Variants in SLC39A10 observed in about 807,000 individuals in gnomAD.
SLC39A10 encodes solute carrier family 39 member 10, also known as zinc transporter ZIP10.
Under a neutral mutation model 65.1 loss-of-function variants are expected in SLC39A10, and 13 were observed. That is an observed-to-expected ratio of 0.20 (90% CI 0.13 to 0.32). The LOEUF is 0.32. Ranked by LOEUF, SLC39A10 falls within the 10% of genes least tolerant of loss-of-function variation. The pLI is 1.00. For missense variants in SLC39A10, 831 were observed against 1,018.4 expected, an observed-to-expected ratio of 0.82 and a Z score of 2.50; for synonymous variants, 321 against 342.2, an observed-to-expected ratio of 0.94 and a Z score of 0.68.
intron 1 of SLC39A10, among the ~76,000 whole-genome samples, chr2:195,677,607 T>G (rs1218286367): frequency 3.3e-5 from 5 of 152,216 alleles, no homozygotes; most frequent in Non-Finnish European, 7.3e-5. Flanking sequence ...TATACTGCTT[T>G]CTTTGGTGTT....
At chr2:195,644,319 A>C (rs1688866404) in intron 2 of SLC39A10, among the ~76,000 whole-genome samples, 1 of 150,514 alleles carries the variant, frequency 6.6e-6, no homozygotes, top group African/African-American at 2.4e-5. Context: ...CAACATAGCA[A>C]GACCCTGTCT....
intron 8 of SLC39A10, among the ~76,000 whole-genome samples, chr2:195,723,085 G>A (rs1013718155): frequency 2.6e-5 from 4 of 152,170 alleles, no homozygotes; most frequent in South Asian, 2.1e-4. Flanking sequence ...AATGTGATAC[G>A]TAAAGACATA....
At chr2:195,616,666 C>G (rs1574473824) in intron 2 of SLC39A10, among the ~76,000 whole-genome samples, 1 of 151,374 alleles carries the variant, frequency 6.6e-6, no homozygotes, top group East Asian at 1.9e-4. Flanking sequence ...TGCAGTGGTG[C>G]CATCTCGGCT....
rs530718405 is a variant in SLC39A10 at position 195,683,100 on chromosome 2, TTG to T, written c.1009-597_1009-596del. ...ACTTGTTTGCTATTTGTTTTCTGCG[TTG>T]TTTTGTTTTTTATTATTTTTTTCTT... On this transcript the variant is annotated intron_variant, in intron 2 of 9. Transcript: ENST00000359634. Among the ~76,000 whole-genome samples the T allele has an allele frequency of 4.1e-3, 625 of 152,084 alleles. 6 individuals carry two copies. Among genetic ancestry groups the T allele is most frequent in the Non-Finnish European group, 6.6e-3 (448 of 67,898 alleles).
rs190019136 is a variant in SLC39A10, at chr2:195,735,214, C to T, written c.*173C>T. On this transcript the variant is annotated 3_prime_UTR_variant, in exon 10 of 10. Transcript: ENST00000359634. ...GGTGCTTAGTACTGTTTTCCCTGCA[C>T]GTAGGGGTCTTTTAAAAATATAAAG... 1.2e-3 allele frequency: 596 copies of T among 491,320 alleles called. 1 individual carries two copies. The highest frequency in any genetic ancestry group is 9.1e-4 in the Non-Finnish European group (268 of 293,598). The allele number at this position is 491,320 out of a possible 1,614,324, so 30.4% of individuals were successfully genotyped here.
intron 1 of SLC39A10, among the ~76,000 whole-genome samples, chr2:195,666,730 G>A (rs574587385): frequency 6.8e-4 from 104 of 152,202 alleles, no homozygotes; most frequent in Non-Finnish European, 5.3e-4. Context: ...CCAAAGTGCT[G>A]GGATTACAGG....
At chr2:195,654,466 A>G (rs1164404589), upstream of SLC39A10, among the ~76,000 whole-genome samples, 1 of 152,190 alleles carries the variant, frequency 6.6e-6, no homozygotes, top group African/African-American at 2.4e-5. Flanking sequence ...TTACTATATC[A>G]TGTCTCACAA....
At position 195,680,459 on chromosome 2, in the gene SLC39A10, T is replaced by A; in HGVS notation, c.417T>A (p.Asn139Lys). The A allele has an allele frequency of 6.2e-7, 1 of 1,614,140 alleles. No individual in the cohort carries two copies. ...QHSHNHLNSE[N>K]QTVTSVSTKR... is the part of the protein sequence containing the mutation. Reference sequence around the variant, plus strand: ...CCCATAATCATTTAAATTCAGAAAATCAAACTGTGACCAGTGTATCCACAA... The same window carrying A: ...CCCATAATCATTTAAATTCAGAAAAACAAACTGTGACCAGTGTATCCACAA... Residue 139 changes from asparagine (N) to lysine (K), a missense_variant, in exon 2 of 10, where the codon AAT (asparagine) becomes AAA (lysine). Transcript: ENST00000359634.
chr2:195,620,513 A>G (rs139703682), intron 2 of SLC39A10, among the ~76,000 whole-genome samples: 3 of 151,686 alleles, frequency 2.0e-5, no homozygotes, highest in African/African-American at 7.2e-5. Flanking sequence ...TGGGTAGTTC[A>G]TGTTGTCTAG....
At chr2:195,627,807 G>C (rs1238666866) in intron 2 of SLC39A10, among the ~76,000 whole-genome samples, 7 of 152,120 alleles carry the variant, frequency 4.6e-5, no homozygotes, top group Non-Finnish European at 1.0e-4. Context: ...CAGCAAAAAA[G>C]CACTGAAGAG....
chr2:195,652,404 C>T (rs1044656142), upstream of SLC39A10, among the ~76,000 whole-genome samples: 12 of 151,948 alleles, frequency 7.9e-5, no homozygotes, highest in Non-Finnish European at 7.4e-5. Context: ...CAAAAACTAG[C>T]TGGGCGTGGT....
At chr2:195,670,571 A>AT (rs958203935) in intron 1 of SLC39A10, 18 of 152,014 alleles carry the variant, frequency 1.2e-4, no homozygotes, top group African/African-American at 4.3e-4. Context: ...CAAAAATGCC[A>AT]TTTTTTTCTG....
chr2:195,638,952 G>GT (rs35269104), intron 2 of SLC39A10, among the ~76,000 whole-genome samples: 65,913 of 146,586 alleles, frequency 0.45, 15,363 homozygotes, highest in Non-Finnish European at 0.54. Context: ...GACCTTGGCA[G>GT]TTTTTTTTTT....
At chr2:195,722,520 A>T (rs758844673) in intron 8 of SLC39A10, among the ~76,000 whole-genome samples, 1 of 152,246 alleles carries the variant, frequency 6.6e-6, no homozygotes, top group African/African-American at 2.4e-5. Flanking sequence ...CAATAGGACC[A>T]GGTCAGTGTC....
intron 2 of SLC39A10, among the ~76,000 whole-genome samples, chr2:195,616,459 A>C (rs889767488): frequency 6.6e-6 from 1 of 151,578 alleles, no homozygotes; most frequent in African/African-American, 2.4e-5. Context: ...GGTGTGTGCC[A>C]CCACGCCTGG....
intron 3 of SLC39A10, among the ~76,000 whole-genome samples, chr2:195,692,658 A>G (rs1249754127): frequency 3.3e-5 from 5 of 152,124 alleles, no homozygotes; most frequent in Non-Finnish European, 2.9e-5. Context: ...CTGTTGGTGT[A>G]TAGCAGAGCT....
chr2:195,713,704 A>C, intron 6 of SLC39A10, 151 bp downstream of exon 6: 1 of 964,232 alleles, frequency 1.0e-6, no homozygotes, highest in Non-Finnish European at 1.5e-6. Flanking sequence ...TGTTACCCTC[A>C]TAGCACTCTT....
intron 9 of SLC39A10, among the ~76,000 whole-genome samples, chr2:195,733,712 T>G (rs952882784): frequency 6.6e-6 from 1 of 151,868 alleles, no homozygotes; most frequent in African/African-American, 2.4e-5. Flanking sequence ...GTATTTTTAA[T>G]AGAGACGGAG....
chr2:195,651,619 C>T (rs958175540), intron 2 of SLC39A10, among the ~76,000 whole-genome samples: 1 of 152,082 alleles, frequency 6.6e-6, no homozygotes, highest in Non-Finnish European at 1.5e-5. Context: ...GGATTGCAGG[C>T]GCTTGCCATC....
Sources: allele counts gnomAD v4.1 joint callset (sites outside exome capture counted in the v4.1 genomes callset), GRCh38; gene constraint gnomAD v4.1.1; transcripts MANE v1.5; gene names NCBI Gene and HGNC (gene_info 2026-07-23, HGNC 2026-07-21).